Variants in TNRC6A observed in about 807,000 individuals in gnomAD.
The protein encoded by TNRC6A is trinucleotide repeat containing adaptor 6A, also known as trinucleotide repeat-containing gene 6A protein.
In TNRC6A, 44 loss-of-function variants were observed where a neutral mutation model predicts 221.2. The observed-to-expected ratio is 0.20, with a 90% CI of 0.16 to 0.26. The LOEUF (loss-of-function observed/expected upper bound fraction) is 0.26. Ranked by LOEUF, TNRC6A falls within the 10% of genes least tolerant of loss-of-function variation. The pLI is 1.00. For missense variants in TNRC6A, 2,199 were observed against 2,404.4 expected, an observed-to-expected ratio of 0.91 and a Z score of 1.79; for synonymous variants, 847 against 838.5, an observed-to-expected ratio of 1.01 and a Z score of -0.18.
intron 1 of TNRC6A, among the ~76,000 whole-genome samples, chr16:24,621,673 G>A (rs1237444508): frequency 1.3e-5 from 2 of 151,918 alleles, no homozygotes; most frequent in Non-Finnish European, 2.9e-5. Context: ...TTCTTAGCTA[G>A]ATCATTGGTA....
intron 1 of TNRC6A, among the ~76,000 whole-genome samples, chr16:24,618,958 A>G (rs1409890342): frequency 6.6e-6 from 1 of 152,140 alleles, no homozygotes; most frequent in Non-Finnish European, 1.5e-5. Context: ...TGAATAGTAC[A>G]GTAGTTCATA....
At chr16:24,613,821 C>T (rs1900203092) in intron 1 of TNRC6A, among the ~76,000 whole-genome samples, 1 of 152,182 alleles carries the variant, frequency 6.6e-6, no homozygotes, top group African/African-American at 2.4e-5. Context: ...CAGGCATGAA[C>T]TACTGTGCCC....
At chr16:24,698,156 C>T (rs1596510421) in intron 2 of TNRC6A, among the ~76,000 whole-genome samples, 2 of 151,728 alleles carry the variant, frequency 1.3e-5, no homozygotes, top group African/African-American at 2.4e-5. Flanking sequence ...AGCGAGACCC[C>T]GACTCTACAA....
chr16:24,789,114 C>A, intron 5 of TNRC6A, 118 bp from the exon 6 acceptor site: 1 of 1,029,662 alleles, frequency 9.7e-7, no homozygotes, highest in Non-Finnish European at 1.4e-6. Flanking sequence ...AGGATCATAG[C>A]TTGTTAAATT....
At chr16:24,821,467 G>A (rs1020850960) in intron 22 of TNRC6A, among the ~76,000 whole-genome samples, 3 of 152,206 alleles carry the variant, frequency 2.0e-5, no homozygotes, top group Non-Finnish European at 2.9e-5. Context: ...GGAGGATTCC[G>A]TGAGAGGTGG....
intron 4 of TNRC6A, among the ~76,000 whole-genome samples, chr16:24,770,497 T>G (rs1383613524): frequency 6.6e-6 from 1 of 152,150 alleles, no homozygotes; most frequent in African/African-American, 2.4e-5. Flanking sequence ...AGGATGCATT[T>G]GAATTTGAGG....
rs112191922 is a variant in TNRC6A, at chr16:24,759,403, A to G, written c.163+1043A>G. ...GGTGCTTTGTTTTACGTTGTTTTCC[A>G]TTTTTTAAAGCTATCAACTACTGTA... On this transcript the variant is annotated intron_variant, in intron 4 of 24. Transcript: ENST00000395799. Among the ~76,000 whole-genome samples, 15 of 152,300 alleles carry G rather than the reference A, an allele frequency of 9.8e-5. 1 individual carries two copies. The highest frequency in any genetic ancestry group is 2.6e-4 in the African/African-American group (11 of 41,558).
chr16:24,806,538 C>G, intron 16 of TNRC6A, 36 bp from the exon 17 acceptor site: 1 of 1,609,270 alleles, frequency 6.2e-7, no homozygotes, highest in South Asian at 1.1e-5. Context: ...GACGTTTTCC[C>G]CCAGTAATTT....
At position 24,823,427 on chromosome 16, in the gene TNRC6A, T is replaced by C. The variant is rs772616850; in HGVS notation, c.5514-5T>C. The C allele has an allele frequency of 3.1e-6, 5 of 1,607,904 alleles. No homozygotes were observed. In the East Asian group the frequency reaches 1.1e-4, roughly 36 times the overall value. On this transcript the variant is annotated splice_region_variant and splice_polypyrimidine_tract_variant and intron_variant, in intron 24 of 24. Transcript: ENST00000395799. This position sits in a 1 kb window ranked among gnomAD's most constrained non-coding sequence, Gnocchi z 4.3. ...TCACGTGTCCGCGGTGCCTCTCTCCTCTAGGTGTGTACTGGGGAACACTAC... is the reference window on the plus strand; with the variant it reads ...TCACGTGTCCGCGGTGCCTCTCTCCCCTAGGTGTGTACTGGGGAACACTAC...
At chr16:24,619,041 T>C (rs112865588) in intron 1 of TNRC6A, among the ~76,000 whole-genome samples, 51 of 152,310 alleles carry the variant, frequency 3.3e-4, no homozygotes, top group African/African-American at 1.2e-3. Context: ...ACCACTGAAG[T>C]GAATTTTCGA....
At chr16:24,702,145 G>A (rs141719923) in intron 2 of TNRC6A, among the ~76,000 whole-genome samples, 8 of 121,262 alleles carry the variant, frequency 6.6e-5, no homozygotes, top group East Asian at 2.2e-4. Context: ...TCCACATTTC[G>A]CGTGTAAACT....
At position 24,823,326 on chromosome 16, in the gene TNRC6A, C is replaced by T. The variant is rs2058806047; in HGVS notation, c.5514-106C>T. ...ATGTGGTGTAGTCTCTCCCTCTGTG[C>T]CTTCTGTGGCTTTTCTAGCAGAGAC... On this transcript the variant is annotated intron_variant, in intron 24 of 24. Coordinates refer to ENST00000395799, the MANE Select transcript of TNRC6A (RefSeq NM_014494.4). This position sits in a 1 kb window ranked among gnomAD's most constrained non-coding sequence, Gnocchi z 4.3. The T allele has an allele frequency of 1.4e-6, 2 of 1,385,772 alleles. No homozygotes were observed. Among genetic ancestry groups the T allele is most frequent in the Non-Finnish European group, 2.0e-6 (2 of 1,020,376 alleles). The allele number at this position is 1,385,772 out of a possible 1,614,324, so 85.8% of individuals were successfully genotyped here.
At position 24,823,128 on chromosome 16, in the gene TNRC6A, T is replaced by C; in HGVS notation, c.5513+115T>C. The C allele has an allele frequency of 7.2e-7, 1 of 1,389,360 alleles. No homozygotes were observed. Among genetic ancestry groups the C allele is most frequent in the Non-Finnish European group, 1.0e-6 (1 of 1,001,582 alleles). The allele number at this position is 1,389,360 out of a possible 1,614,324, so 86.1% of individuals were successfully genotyped here. On this transcript the variant is annotated intron_variant, in intron 24 of 24. Coordinates refer to ENST00000395799, the MANE Select transcript of TNRC6A (RefSeq NM_014494.4). This position sits in a 1 kb window ranked among gnomAD's most constrained non-coding sequence, Gnocchi z 4.3. ...CGTGGGTGGCTCCTGCTGGCTGCAG[T>C]AGTGCCCTGATTCCAAGGTCGGCAT...
At position 24,648,460 on chromosome 16, in the gene TNRC6A, C is replaced by T. The variant is rs186484391; in HGVS notation, n.402+7451C>T. 3.7e-3 allele frequency among the ~76,000 whole-genome samples: 565 copies of T among 151,732 alleles called. 2 individuals are homozygous for T. The highest frequency in any genetic ancestry group is 0.012 in the African/African-American group (501 of 41,392). On this transcript the variant is annotated intron_variant and non_coding_transcript_variant, in intron 2 of 2. Coordinates refer to the TNRC6A transcript ENST00000566108. ...TAATTTTTTGTATTTTTAGTAGAGA[C>T]GGGGTTTCACCGTGTTAGCCAGGAT...
At chr16:24,704,284 T>G (rs2056048120) in intron 2 of TNRC6A, among the ~76,000 whole-genome samples, 1 of 151,290 alleles carries the variant, frequency 6.6e-6, no homozygotes. Flanking sequence ...TAGAGACTGG[T>G]GGGGGGCGGG....
intron 5 of TNRC6A, among the ~76,000 whole-genome samples, chr16:24,788,727 C>G (rs1031947006): frequency 6.6e-6 from 1 of 150,952 alleles, no homozygotes; most frequent in African/African-American, 2.4e-5. Flanking sequence ...CCGCTCACTG[C>G]AAGCTCCGCC....
intron 1 of TNRC6A, among the ~76,000 whole-genome samples, chr16:24,633,784 CTCTTT>C (rs1272508080): frequency 9.3e-6 from 1 of 107,802 alleles, no homozygotes; most frequent in African/African-American, 4.4e-5. Flanking sequence ...GAATTTATCT[CTCTTT>C]TTTTTTTTTT....
chr16:24,616,217 T>A (rs1900334192), intron 1 of TNRC6A, among the ~76,000 whole-genome samples: 1 of 150,702 alleles, frequency 6.6e-6, no homozygotes, highest in South Asian at 2.1e-4. Flanking sequence ...TCCCAGCTAC[T>A]CAGGAGGCTG....
At chr16:24,624,007 C>T (rs1467116814) in intron 1 of TNRC6A, among the ~76,000 whole-genome samples, 1 of 149,232 alleles carries the variant, frequency 6.7e-6, no homozygotes, top group Non-Finnish European at 1.5e-5. Flanking sequence ...TATGCAATTG[C>T]AAAGGTCATG....
Sources: allele counts gnomAD v4.1 joint callset (sites outside exome capture counted in the v4.1 genomes callset), GRCh38; gene constraint gnomAD v4.1.1; non-coding constraint Gnocchi (gnomAD v3.1); transcripts MANE v1.5; gene names NCBI Gene and HGNC (gene_info 2026-07-23, HGNC 2026-07-21).